FRMD4A: variants seen among roughly 807,000 people sequenced by gnomAD.
FRMD4A encodes the protein FERM domain containing 4A.
FRMD4A carries 29 observed loss-of-function variants against 129.1 expected under a neutral mutation model. That is an observed-to-expected ratio of 0.22 (90% confidence interval 0.17 to 0.31). The LOEUF (loss-of-function observed/expected upper bound fraction) is 0.31, where lower values mean the gene tolerates loss of function less well. Among genes scored for constraint, FRMD4A ranks in the 10% least tolerant of loss-of-function variants. FRMD4A has a pLI of 1.00. For missense variants in FRMD4A, 1,272 were observed against 1,375.8 expected, an observed-to-expected ratio of 0.92 and a Z score of 1.19; for synonymous variants, 634 against 571.6, an observed-to-expected ratio of 1.11 and a Z score of -1.56.
chr10:13,660,652 C>G, intron 19 of FRMD4A, 99 bp from the exon 20 acceptor site: 1 of 721,128 alleles, frequency 1.4e-6, no homozygotes, highest in Admixed American at 2.3e-5. Context: ...TGGAGCCACA[C>G]AGCCAAACCC....
At chr10:13,712,791 A>C (rs1291042713) in intron 12 of FRMD4A, among the ~76,000 whole-genome samples, 1 of 152,246 alleles carries the variant, frequency 6.6e-6, no homozygotes, top group Non-Finnish European at 1.5e-5. Context: ...GAGTGCAAAC[A>C]AAAGTGGGTA....
intron 12 of FRMD4A, among the ~76,000 whole-genome samples, chr10:13,728,210 A>G (rs1564700169): frequency 6.6e-6 from 1 of 151,568 alleles, no homozygotes; most frequent in Non-Finnish European, 1.5e-5. Context: ...AGTTTTATTC[A>G]TTTTTTTTTA....
At chr10:14,138,668 G>A (rs1303374537) in intron 2 of FRMD4A, among the ~76,000 whole-genome samples, 2 of 152,058 alleles carry the variant, frequency 1.3e-5, no homozygotes, top group African/African-American at 2.4e-5. Flanking sequence ...GCTGAGGCAG[G>A]AGAATTGCTT....
intron 2 of FRMD4A, among the ~76,000 whole-genome samples, chr10:14,221,473 G>T (rs1843258569): frequency 6.6e-6 from 1 of 152,308 alleles, no homozygotes; most frequent in East Asian, 1.9e-4. Context: ...GCGTGATCTG[G>T]AGAGGGGAAT....
At chr10:13,659,849 C>T (rs1589243224) in intron 20 of FRMD4A, among the ~76,000 whole-genome samples, 1 of 98,098 alleles carries the variant, frequency 1.0e-5, no homozygotes, top group African/African-American at 3.6e-5. Flanking sequence ...AGAAGCAGAC[C>T]GAAAATGCCT....
intron 21 of FRMD4A, among the ~76,000 whole-genome samples, chr10:13,658,502 G>A (rs550892875): frequency 5.5e-4 from 84 of 152,314 alleles, no homozygotes; most frequent in African/African-American, 1.9e-3. Context: ...AGGAAGAGGC[G>A]AGTCCCACTT....
At chr10:14,271,819 G>A (rs1007157072) in intron 2 of FRMD4A, among the ~76,000 whole-genome samples, 2 of 152,138 alleles carry the variant, frequency 1.3e-5, no homozygotes, top group African/African-American at 2.4e-5. Context: ...AAAAATGCAC[G>A]TCATAAGCAC....
intron 23 of FRMD4A, chr10:13,653,541 A>G (rs1392652301): frequency 4.6e-5 from 7 of 152,314 alleles, no homozygotes; most frequent in Non-Finnish European, 7.3e-5. Context: ...AATACAGCCA[A>G]TTCTGGAATT....
chr10:13,683,283 G>A (rs2084777349), intron 15 of FRMD4A, among the ~76,000 whole-genome samples: 1 of 152,290 alleles, frequency 6.6e-6, no homozygotes, highest in South Asian at 2.1e-4. Context: ...GGAGGCAGAA[G>A]AGAGCAGGCC....
At chr10:14,055,452 CACACACACAA>C (rs1184188109) in intron 2 of FRMD4A, among the ~76,000 whole-genome samples, 827 of 21,720 alleles carry the variant, frequency 0.038, 10 homozygotes, top group Middle Eastern at 0.094. Flanking sequence ...CACACACACA[CACACACACAA>C]ACACACACAC....
At chr10:13,767,582 A>G (rs925813213) in intron 6 of FRMD4A, among the ~76,000 whole-genome samples, 1 of 152,320 alleles carries the variant, frequency 6.6e-6, no homozygotes, top group East Asian at 1.9e-4. Flanking sequence ...CAGAGGAACT[A>G]CACTGAAGGA....
chr10:13,751,089 T>C lies in FRMD4A; in HGVS notation c.465-3270A>G, dbSNP rs534620578. Among the ~76,000 whole-genome samples, 18 of 152,308 alleles carry C rather than the reference T, an allele frequency of 1.2e-4. No individual in the cohort carries two copies. The East Asian group carries it at 3.5e-3, about 29-fold the overall frequency. On this transcript the variant is annotated intron_variant, in intron 8 of 24. Coordinates refer to ENST00000357447, the MANE Select transcript of FRMD4A (RefSeq NM_018027.5). ...ATGAAACCATGAGAAAGGCAATTAGTGGCTCCCTGAAGGAGCTGAAACTTG... is the reference window on the plus strand; with the variant it reads ...ATGAAACCATGAGAAAGGCAATTAGCGGCTCCCTGAAGGAGCTGAAACTTG...
At chr10:13,753,060 C>T (rs1272909149) in intron 8 of FRMD4A, among the ~76,000 whole-genome samples, 1 of 152,212 alleles carries the variant, frequency 6.6e-6, no homozygotes. Context: ...ACATACGTGG[C>T]TCTCTGTTCC....
intron 2 of FRMD4A, among the ~76,000 whole-genome samples, chr10:14,128,401 G>T (rs1337435929): frequency 6.6e-6 from 1 of 152,094 alleles, no homozygotes; most frequent in Admixed American, 6.5e-5. Context: ...ACCCCGCCCA[G>T]CATATTTTGC....
At chr10:14,283,948 T>C (rs555570094) in intron 2 of FRMD4A, among the ~76,000 whole-genome samples, 1 of 152,362 alleles carries the variant, frequency 6.6e-6, no homozygotes, top group South Asian at 2.1e-4. Flanking sequence ...ACTGTCAATT[T>C]GCTAATGAGG....
chr10:13,941,559 A>T (rs1209403046), intron 2 of FRMD4A, among the ~76,000 whole-genome samples: 1 of 152,192 alleles, frequency 6.6e-6, no homozygotes, highest in African/African-American at 2.4e-5. Context: ...GTAAGAGAAG[A>T]GTCTCAGATC....
intron 2 of FRMD4A, chr10:13,971,977 T>A (rs2095521293): frequency 1.7e-6 from 2 of 1,188,230 alleles, no homozygotes; most frequent in Non-Finnish European, 2.1e-6. Context: ...ACCACCACCC[T>A]CACTAATCCT....
intron 2 of FRMD4A, among the ~76,000 whole-genome samples, chr10:14,246,528 G>T (rs1218380): frequency 0.94 from 142,656 of 152,262 alleles, 67,141 homozygotes; most frequent in East Asian, 1. Context: ...ATCACATGTG[G>T]ACGTATATGC....
chr10:13,985,444 C>T (rs1198933597), intron 2 of FRMD4A, among the ~76,000 whole-genome samples: 3 of 152,204 alleles, frequency 2.0e-5, no homozygotes, highest in Non-Finnish European at 4.4e-5. Context: ...TGGCTCTAGA[C>T]TCATTTAAAT....
Sources: gnomAD v4.1 joint callset for allele counts (sites outside exome capture counted in the v4.1 genomes callset) on GRCh38, gnomAD v4.1.1 for gene constraint, MANE v1.5 for transcripts, NCBI Gene and HGNC (gene_info 2026-07-23, HGNC 2026-07-21) for gene names.